The following SGCZ variants were observed in gnomAD, a reference collection of about 807,000 sequenced individuals.
SGCZ encodes sarcoglycan zeta.
SGCZ carries 40 observed loss-of-function variants against 41.3 expected under a neutral mutation model. The ratio of observed to expected loss-of-function variants is 0.97; its 90% confidence interval spans 0.75 to 1.26. The LOEUF (loss-of-function observed/expected upper bound fraction) is 1.26. SGCZ is among the 50% of genes most tolerant of loss of function. SGCZ has a pLI of 0.00. For synonymous variants in SGCZ, 206 were observed against 137.5 expected, an observed-to-expected ratio of 1.50 and a Z score of -3.49; for missense variants, 552 against 369.8, an observed-to-expected ratio of 1.49 and a Z score of -4.04.
At chr8:14,991,689 T>A (rs926617714) in intron 1 of SGCZ, among the ~76,000 whole-genome samples, 1 of 151,694 alleles carries the variant, frequency 6.6e-6, no homozygotes, top group African/African-American at 2.4e-5. Context: ...CTCTCACCCA[T>A]CCTCCTCATC....
At chr8:14,218,497 C>T (rs1732227529) in intron 4 of SGCZ, among the ~76,000 whole-genome samples, 1 of 152,154 alleles carries the variant, frequency 6.6e-6, no homozygotes, top group South Asian at 2.1e-4. Context: ...ACAAAAGTTT[C>T]TGAAAAATTG....
rs1259690700 is a variant in SGCZ at position 14,366,949 on chromosome 8, G to T, written c.235-42745C>A. Among the ~76,000 whole-genome samples the T allele has an allele frequency of 2.6e-5, 4 of 152,004 alleles. No individual in the cohort carries two copies. In the East Asian group the frequency reaches 7.7e-4, roughly 29 times the overall value. On this transcript the variant is annotated intron_variant, in intron 2 of 7. Transcript: ENST00000382080. ...CCAACGTCTTGGAAGTTAACATTTG[G>T]GCTCTTCATTACTTATGCAAATTTC...
At chr8:15,225,308 C>CA (rs57670651) in intron 1 of SGCZ, among the ~76,000 whole-genome samples, 3 of 149,640 alleles carry the variant, frequency 2.0e-5, no homozygotes, top group Admixed American at 6.6e-5. Context: ...TATAGGAACA[C>CA]AAAAAAAAAG....
At chr8:14,820,083 A>G (rs1162080041) in intron 1 of SGCZ, among the ~76,000 whole-genome samples, 1 of 151,520 alleles carries the variant, frequency 6.6e-6, no homozygotes, top group Admixed American at 6.6e-5. Context: ...GAGTGGCTAA[A>G]TGGAGAAAAA....
chr8:14,179,062 C>A (rs1462390330), intron 4 of SGCZ, among the ~76,000 whole-genome samples: 4 of 152,170 alleles, frequency 2.6e-5, no homozygotes, highest in Non-Finnish European at 2.9e-5. Flanking sequence ...TGTACACTTG[C>A]CCCGGCCAAG....
intron 2 of SGCZ, among the ~76,000 whole-genome samples, chr8:14,538,570 T>C (rs559543198): frequency 2.0e-5 from 3 of 152,106 alleles, no homozygotes; most frequent in African/African-American, 4.8e-5. Flanking sequence ...TGATATACTT[T>C]CTATGGAGAA....
At chr8:14,317,074 C>G (rs1488488649) in intron 3 of SGCZ, among the ~76,000 whole-genome samples, 3 of 152,044 alleles carry the variant, frequency 2.0e-5, no homozygotes, top group Non-Finnish European at 2.9e-5. Context: ...AATTTGCCAT[C>G]AAATCCTTTG....
At chr8:15,053,881 G>A (rs556154649) in intron 1 of SGCZ, among the ~76,000 whole-genome samples, 1 of 152,134 alleles carries the variant, frequency 6.6e-6, no homozygotes, top group African/African-American at 2.4e-5. Context: ...TGTTCTGTGA[G>A]TGTCAGAATT....
Position 14,372,010 on chromosome 8 carries a change from G to T in SGCZ, c.235-47806C>A, listed in dbSNP as rs192171232. ...TAAATTTATAGAGTAATCTTTATAT[G>T]CCATGAAGATTCAAAGAAGATATAG... is the stretch of plus-strand genomic sequence containing the variant. On this transcript the variant is annotated intron_variant, in intron 2 of 7. Transcript: ENST00000382080. 2.3e-3 allele frequency among the ~76,000 whole-genome samples: 352 copies of T among 152,114 alleles called. 3 individuals carry two copies. Among genetic ancestry groups the T allele is most frequent in the African/African-American group, 7.9e-3 (328 of 41,516 alleles).
chr8:14,488,608 C>T (rs1004756494), intron 2 of SGCZ, among the ~76,000 whole-genome samples: 2 of 144,514 alleles, frequency 1.4e-5, no homozygotes, highest in African/African-American at 5.1e-5. Context: ...AAAGACAGTG[C>T]CCCAATCTTT....
At chr8:14,836,364 C>T (rs1056125690) in intron 1 of SGCZ, among the ~76,000 whole-genome samples, 2 of 152,062 alleles carry the variant, frequency 1.3e-5, no homozygotes, top group African/African-American at 4.8e-5. Flanking sequence ...AAGATAGGAA[C>T]CATTATTAAA....
intron 2 of SGCZ, among the ~76,000 whole-genome samples, chr8:14,368,591 A>G (rs888731043): frequency 6.6e-6 from 1 of 152,092 alleles, no homozygotes; most frequent in Admixed American, 6.6e-5. Flanking sequence ...AGTGCTCACA[A>G]TGCCAAGCAG....
intron 4 of SGCZ, among the ~76,000 whole-genome samples, chr8:14,218,896 C>T (rs1357225057): frequency 1.3e-5 from 2 of 152,132 alleles, no homozygotes; most frequent in East Asian, 3.9e-4. Flanking sequence ...TTGAAGTCTA[C>T]GACCACCAAT....
chr8:15,052,701 A>G (rs905858440), intron 1 of SGCZ, among the ~76,000 whole-genome samples: 8 of 152,186 alleles, frequency 5.3e-5, no homozygotes, highest in African/African-American at 1.9e-4. Context: ...GGACACGTGC[A>G]TTTTAGAAAT....
At chr8:15,054,190 A>G (rs1804622211) in intron 1 of SGCZ, among the ~76,000 whole-genome samples, 1 of 152,226 alleles carries the variant, frequency 6.6e-6, no homozygotes, top group Non-Finnish European at 1.5e-5. Context: ...TTAATACCAA[A>G]TAATAATTGC....
chr8:14,908,975 G>A (rs1326393503), intron 1 of SGCZ, among the ~76,000 whole-genome samples: 3 of 152,012 alleles, frequency 2.0e-5, no homozygotes, highest in East Asian at 3.9e-4. Context: ...TGTATTTTAT[G>A]TCATTATTTC....
At chr8:14,702,729 AATGATAGATAGATAGATAGATAGATAG>A (rs1440448239) in intron 1 of SGCZ, among the ~76,000 whole-genome samples, 9 of 139,276 alleles carry the variant, frequency 6.5e-5, no homozygotes, top group Non-Finnish European at 1.2e-4. Flanking sequence ...TGCTGGCTTC[AATGATAGATAGATAGATAGATAGATAG>A]ATAGATAGAT....
intron 2 of SGCZ, among the ~76,000 whole-genome samples, chr8:14,446,891 C>T (rs1800448829): frequency 6.6e-6 from 1 of 152,072 alleles, no homozygotes; most frequent in African/African-American, 2.4e-5. Context: ...TATAGCAGAT[C>T]AATCTTCATA....
chr8:14,825,857 C>A (rs989120352), intron 1 of SGCZ, among the ~76,000 whole-genome samples: 2 of 152,146 alleles, frequency 1.3e-5, no homozygotes, highest in Admixed American at 1.3e-4. Context: ...TCAGACTCAT[C>A]TGTATTACCA....
Sources: gnomAD v4.1 joint callset for allele counts (sites outside exome capture counted in the v4.1 genomes callset) on GRCh38, gnomAD v4.1.1 for gene constraint, MANE v1.5 for transcripts, NCBI Gene and HGNC (gene_info 2026-07-23, HGNC 2026-07-21) for gene names.